Variants in SLC4A4 observed in about 807,000 individuals in gnomAD.
The protein encoded by SLC4A4 is electrogenic sodium bicarbonate cotransporter 1.
A neutral mutation model predicts 111.5 loss-of-function variants in SLC4A4; 27 were observed. The observed-to-expected ratio is 0.24, with a 90% confidence interval of 0.18 to 0.33. The LOEUF (loss-of-function observed/expected upper bound fraction) is 0.33. Among genes scored for constraint, SLC4A4 ranks in the 10% least tolerant of loss-of-function variants. The pLI, the probability that SLC4A4 is intolerant of heterozygous loss-of-function variation, is 1.00. For missense variants in SLC4A4, 909 were observed against 1,315.5 expected (o/e 0.69, Z 4.78); for synonymous variants, 443 against 463.4 (o/e 0.96, Z 0.57).
chr4:71,242,394 A>G (rs527673742), intron 2 of SLC4A4, among the ~76,000 whole-genome samples: 88 of 152,332 alleles, frequency 5.8e-4, no homozygotes, highest in Non-Finnish European at 1.1e-3. Context: ...TTGTCAAAGC[A>G]GAGGCACTAA....
intron 2 of SLC4A4, among the ~76,000 whole-genome samples, chr4:71,148,289 T>C (rs1744231412): frequency 1.3e-5 from 2 of 152,068 alleles, no homozygotes; most frequent in South Asian, 2.1e-4. Flanking sequence ...CTAAAGTTTT[T>C]CCCACTGGTC....
At chr4:71,531,828 A>AGAG (rs1560592674) in intron 16 of SLC4A4, among the ~76,000 whole-genome samples, 7 of 146,740 alleles carry the variant, frequency 4.8e-5, no homozygotes, top group African/African-American at 1.8e-4. Flanking sequence ...GAGAGAGAGA[A>AGAG]AGAGCGAGCG....
chr4:71,404,998 G>T (rs1045814713), intron 7 of SLC4A4, among the ~76,000 whole-genome samples: 2 of 149,684 alleles, frequency 1.3e-5, no homozygotes, highest in African/African-American at 2.5e-5. Flanking sequence ...ATTTTTTTTT[G>T]AGACATGCAG....
At chr4:71,522,279 C>T (rs1466511850) in intron 16 of SLC4A4, among the ~76,000 whole-genome samples, 1 of 152,182 alleles carries the variant, frequency 6.6e-6, no homozygotes, top group African/African-American at 2.4e-5. Context: ...AGGAATATCA[C>T]AGCATAATCT....
chr4:71,233,254 T>C (rs1358251413), intron 1 of SLC4A4: 1 of 984,964 alleles, frequency 1.0e-6, no homozygotes, highest in Non-Finnish European at 1.2e-6. Flanking sequence ...AATGAATGAA[T>C]GCAGGAAAGA....
intron 3 of SLC4A4, among the ~76,000 whole-genome samples, chr4:71,305,897 T>C (rs907002761): frequency 6.6e-6 from 1 of 152,154 alleles, no homozygotes; most frequent in African/African-American, 2.4e-5. Flanking sequence ...CAGGGGAGGT[T>C]TTATGGAAGA....
chr4:71,200,824 G>A (rs1746216982), intron 1 of SLC4A4, among the ~76,000 whole-genome samples: 1 of 151,402 alleles, frequency 6.6e-6, no homozygotes, highest in African/African-American at 2.4e-5. Context: ...AAAAAAGGAT[G>A]AGTGGTGAGC....
At chr4:71,353,879 C>T (rs1024083403) in intron 5 of SLC4A4, among the ~76,000 whole-genome samples, 1 of 152,204 alleles carries the variant, frequency 6.6e-6, no homozygotes, top group Non-Finnish European at 1.5e-5. Flanking sequence ...TCAAAGACAG[C>T]GCCACACCAT....
At chr4:71,183,531 G>A (rs914349449), upstream of SLC4A4, among the ~76,000 whole-genome samples, 1 of 152,148 alleles carries the variant, frequency 6.6e-6, no homozygotes, top group African/African-American at 2.4e-5. Context: ...AATACTCTTG[G>A]AGTGTAAGTG....
At chr4:71,537,429 ATGTG>A (rs10562012) in intron 18 of SLC4A4, among the ~76,000 whole-genome samples, 4 of 150,416 alleles carry the variant, frequency 2.7e-5, no homozygotes, top group South Asian at 2.1e-4. Context: ...ATATACATAT[ATGTG>A]TGTGTGTGTG....
intron 9 of SLC4A4, 110 bp downstream of exon 9, chr4:71,447,843 C>T: frequency 1.3e-6 from 1 of 764,340 alleles, no homozygotes; most frequent in Non-Finnish European, 2.3e-6. Context: ...ACTAGACTTC[C>T]TTATAGCATG....
chr4:71,444,725 G>T (rs1477454781), intron 8 of SLC4A4, among the ~76,000 whole-genome samples: 1 of 152,176 alleles, frequency 6.6e-6, no homozygotes, highest in South Asian at 2.1e-4. Context: ...CAGGCAGAGG[G>T]AACTTCAACT....
chr4:71,388,053 G>A (rs1718920104), intron 6 of SLC4A4, among the ~76,000 whole-genome samples: 1 of 152,160 alleles, frequency 6.6e-6, no homozygotes, highest in African/African-American at 2.4e-5. Flanking sequence ...AAGGCAGCGA[G>A]ATATTCATTT....
chr4:71,238,886 G>T (rs1719991417), intron 2 of SLC4A4, among the ~76,000 whole-genome samples: 1 of 152,070 alleles, frequency 6.6e-6, no homozygotes, highest in Admixed American at 6.6e-5. Flanking sequence ...AATGGACAGG[G>T]GTTTTTTGGC....
At position 71,085,114 on chromosome 4, in the gene SLC4A4, G is replaced by T. The variant is rs201804606; in HGVS notation, c.-64-7616G>T. 1.2e-3 allele frequency among the ~76,000 whole-genome samples: 177 copies of T among 152,144 alleles called. 1 individual carries two copies. In the East Asian group the frequency reaches 0.015, roughly 13 times the overall value. ...TTGCCATTCTAACTGGTGTGAGATG[G>T]TATCTCATTGTGGTTTTGATTTGCA... On this transcript the variant is annotated intron_variant, in intron 1 of 26. Transcript: ENST00000649996.
At chr4:71,422,870 C>T (rs1336232780) in intron 7 of SLC4A4, among the ~76,000 whole-genome samples, 9 of 152,146 alleles carry the variant, frequency 5.9e-5, no homozygotes, top group Non-Finnish European at 8.8e-5. Flanking sequence ...GACAAACCCA[C>T]AGCCAATATC....
intron 2 of SLC4A4, among the ~76,000 whole-genome samples, chr4:71,123,210 C>CTT (rs1405022029): frequency 6.6e-6 from 1 of 152,034 alleles, no homozygotes; most frequent in African/African-American, 2.4e-5. Flanking sequence ...GAGAGGAGGA[C>CTT]TTTATAAAAC....
chr4:71,412,892 T>C (rs1159167507), intron 7 of SLC4A4, among the ~76,000 whole-genome samples: 1 of 152,190 alleles, frequency 6.6e-6, no homozygotes, highest in Non-Finnish European at 1.5e-5. Flanking sequence ...TTAAAGACTT[T>C]GTGATTTATA....
chr4:71,370,748 A>T (rs1378920395), intron 6 of SLC4A4, among the ~76,000 whole-genome samples: 1 of 152,126 alleles, frequency 6.6e-6, no homozygotes, highest in Admixed American at 6.5e-5. Flanking sequence ...AGCTGTTTTT[A>T]TTTTTTTAAG....
Sources: gnomAD v4.1 joint callset for allele counts (sites outside exome capture counted in the v4.1 genomes callset) on GRCh38, gnomAD v4.1.1 for gene constraint, MANE v1.5 for transcripts, NCBI Gene and HGNC (gene_info 2026-07-23, HGNC 2026-07-21) for gene names.